The following ZDHHC2 variants were observed in gnomAD, a reference collection of about 807,000 sequenced individuals.
ZDHHC2 encodes the protein palmitoyltransferase ZDHHC2.
ZDHHC2 carries 51 observed loss-of-function variants against 55.6 expected under a neutral mutation model. That is an observed-to-expected ratio of 0.92 (90% CI 0.73 to 1.16). The LOEUF is 1.16. ZDHHC2 is among the 50% of genes most tolerant of loss of function. ZDHHC2 has a pLI of 0.00. For missense variants in ZDHHC2, 491 were observed against 442.4 expected (o/e 1.11, Z -0.99); for synonymous variants, 199 against 152.9 (o/e 1.30, Z -2.22).
intron 8 of ZDHHC2, 44 bp downstream of exon 8, chr8:17,208,136 T>G: frequency 6.7e-7 from 1 of 1,483,680 alleles, no homozygotes; most frequent in Non-Finnish European, 9.0e-7. Context: ...TAAATACGTA[T>G]ACCAACATTC....
intron 1 of ZDHHC2, among the ~76,000 whole-genome samples, chr8:17,177,752 TTGTGTG>T (rs10570051): frequency 1.3e-5 from 2 of 148,714 alleles, no homozygotes; most frequent in Admixed American, 6.7e-5. Context: ...TTTGGGGTGT[TTGTGTG>T]TGTGTGTGTG....
intron 2 of ZDHHC2, 103 bp downstream of exon 2, chr8:17,184,918 T>A: frequency 9.6e-7 from 1 of 1,041,850 alleles, no homozygotes; most frequent in Non-Finnish European, 1.4e-6. Context: ...TTTGAGAATG[T>A]GGAGACAAGC....
chr8:17,199,497 T>A lies in ZDHHC2; in HGVS notation c.476+1084T>A, dbSNP rs200498248. On this transcript the variant is annotated intron_variant, in intron 6 of 12. Transcript: ENST00000262096. ...CTTCTTCTTCTTCTTCTTCTTCTTC[T>A]TCTTCTTCTTCTTCTTCGTCTTCGT... 7.0e-4 allele frequency among the ~76,000 whole-genome samples: 37 copies of A among 52,682 alleles called. 1 individual carries two copies. The highest frequency in any genetic ancestry group is 0.021 in the Middle Eastern group (2 of 94). The allele number at this position is 52,682 out of a possible 152,430, so 34.6% of individuals were successfully genotyped here.
intron 1 of ZDHHC2, among the ~76,000 whole-genome samples, chr8:17,161,158 C>G (rs932489259): frequency 2.0e-5 from 3 of 152,202 alleles, no homozygotes; most frequent in Non-Finnish European, 4.4e-5. Context: ...GAAGTTATGA[C>G]CTACCATTCA....
intron 3 of ZDHHC2, among the ~76,000 whole-genome samples, chr8:17,187,652 C>G (rs1480233426): frequency 6.6e-6 from 1 of 151,828 alleles, no homozygotes; most frequent in Non-Finnish European, 1.5e-5. Context: ...ACCATATTTG[C>G]TTCTTTTCCA....
At chr8:17,171,661 G>A (rs1030030673) in intron 1 of ZDHHC2, among the ~76,000 whole-genome samples, 1 of 151,912 alleles carries the variant, frequency 6.6e-6, no homozygotes, top group African/African-American at 2.4e-5. Context: ...GCTATTTAGA[G>A]CAATGATTTG....
chr8:17,175,593 C>T (rs1009904163), intron 1 of ZDHHC2, among the ~76,000 whole-genome samples: 2 of 152,144 alleles, frequency 1.3e-5, no homozygotes, highest in Admixed American at 6.5e-5. Context: ...CTTAATAATG[C>T]GCCAAATTCT....
At position 17,199,590 on chromosome 8, in the gene ZDHHC2, T is replaced by TCA. The variant is rs1563161585; in HGVS notation, c.476+1177_476+1178insCA. Among the ~76,000 whole-genome samples, 10 of 40,952 alleles carry TCA rather than the reference T, an allele frequency of 2.4e-4. No homozygotes were observed. The South Asian group carries it at 3.9e-3, about 16-fold the overall frequency. The allele number at this position is 40,952 out of a possible 152,430, so 26.9% of individuals were successfully genotyped here. ...TTCGTCTTTGTCTTCTTCTTCTTCT[T>TCA]TCTTCTTCTTTATTCTTTCTTCTTC... On this transcript the variant is annotated intron_variant, in intron 6 of 12. Coordinates refer to ENST00000262096, the MANE Select transcript of ZDHHC2 (RefSeq NM_016353.5).
chr8:17,172,753 T>G (rs548650570), intron 1 of ZDHHC2, among the ~76,000 whole-genome samples: 2 of 152,278 alleles, frequency 1.3e-5, no homozygotes, highest in South Asian at 4.1e-4. Context: ...TGTGCCTGTG[T>G]AGTACAAATT....
chr8:17,199,487 C>CCT (rs1458611192), intron 6 of ZDHHC2, among the ~76,000 whole-genome samples: 1 of 39,096 alleles, frequency 2.6e-5, no homozygotes, highest in African/African-American at 6.4e-5. Flanking sequence ...TCTTCTTCTT[C>CCT]TTCTTCTTCT....
intron 1 of ZDHHC2, among the ~76,000 whole-genome samples, chr8:17,159,096 A>G (rs1656988010): frequency 6.6e-6 from 1 of 152,214 alleles, no homozygotes; most frequent in African/African-American, 2.4e-5. Context: ...TGGGAAGTTG[A>G]AATTTCCTTA....
Position 17,221,054 on chromosome 8 carries a change from G to C in ZDHHC2, c.*833G>C, listed in dbSNP as rs185182953. On this transcript the variant is annotated 3_prime_UTR_variant, in exon 13 of 13. Coordinates refer to ENST00000262096, the MANE Select transcript of ZDHHC2 (RefSeq NM_016353.5). ...TTGGCTTTCTAAAAATCTCTTTTTAGATTATTTCTCCTGTTGAACATAGTA... is the reference window on the plus strand; with the variant it reads ...TTGGCTTTCTAAAAATCTCTTTTTACATTATTTCTCCTGTTGAACATAGTA... The C allele has an allele frequency of 4.1e-3, 624 of 152,396 alleles. 8 individuals carry two copies. The highest frequency in any genetic ancestry group is 1.5e-3 in the Non-Finnish European group (104 of 67,988). 9.4% of individuals were successfully genotyped at this position (152,396 alleles called of 1,614,324 possible).
intron 3 of ZDHHC2, among the ~76,000 whole-genome samples, chr8:17,192,498 A>G (rs899321228): frequency 6.6e-6 from 1 of 152,116 alleles, no homozygotes; most frequent in African/African-American, 2.4e-5. Context: ...GAGTTGTTCG[A>G]GCTCCTTATA....
rs916995380 is a variant in ZDHHC2 at position 17,220,936 on chromosome 8, C to T, written c.*715C>T. The T allele has an allele frequency of 6.6e-6, 1 of 152,144 alleles. No individual in the cohort carries two copies. The highest frequency in any genetic ancestry group is 2.4e-5 in the African/African-American group (1 of 41,432). 9.4% of individuals were successfully genotyped at this position (152,144 alleles called of 1,614,324 possible). On this transcript the variant is annotated 3_prime_UTR_variant, in exon 13 of 13. Coordinates refer to ENST00000262096, the MANE Select transcript of ZDHHC2 (RefSeq NM_016353.5). Reference sequence around the variant, plus strand: ...GTCAGAATACGGTACATTTCTATTACATCAGAAATATATTTTCATCTCTTC... The same window carrying T: ...GTCAGAATACGGTACATTTCTATTATATCAGAAATATATTTTCATCTCTTC...
chr8:17,159,690 T>C (rs1246325900), intron 1 of ZDHHC2, among the ~76,000 whole-genome samples: 1 of 152,222 alleles, frequency 6.6e-6, no homozygotes, highest in East Asian at 1.9e-4. Flanking sequence ...ATATATGGGA[T>C]GTACATATAT....
chr8:17,190,119 G>C (rs186643259), intron 3 of ZDHHC2, among the ~76,000 whole-genome samples: 4 of 152,056 alleles, frequency 2.6e-5, no homozygotes, highest in African/African-American at 9.6e-5. Flanking sequence ...ATTTTTTAAA[G>C]TTTTGTATAT....
rs142781399 is a variant in ZDHHC2 at position 17,204,638 on chromosome 8, A to G, written c.477-1017A>G. On this transcript the variant is annotated intron_variant, in intron 6 of 12. Coordinates refer to ENST00000262096, the MANE Select transcript of ZDHHC2 (RefSeq NM_016353.5). Reference sequence around the variant, plus strand: ...ACACATGGACACAGAGGAGGGAACAACACACACTGGGGCCTTTTGGAGGGA... The same window carrying G: ...ACACATGGACACAGAGGAGGGAACAGCACACACTGGGGCCTTTTGGAGGGA... 5.3e-3 allele frequency among the ~76,000 whole-genome samples: 812 copies of G among 152,218 alleles called. 5 individuals carry two copies. Among genetic ancestry groups the G allele is most frequent in the African/African-American group, 0.018 (765 of 41,532 alleles).
intron 1 of ZDHHC2, among the ~76,000 whole-genome samples, chr8:17,169,688 G>A (rs1804762148): frequency 6.6e-6 from 1 of 152,114 alleles, no homozygotes; most frequent in African/African-American, 2.4e-5. Flanking sequence ...TTTCTGTTTT[G>A]CCCAAAGATC....
At chr8:17,161,585 C>CGGTG in intron 1 of ZDHHC2, among the ~76,000 whole-genome samples, 1 of 152,294 alleles carries the variant, frequency 6.6e-6, no homozygotes, top group South Asian at 2.1e-4. Flanking sequence ...TTGGCCAGCA[C>CGGTG]GGTGGCTCAC....
Sources: gnomAD v4.1 joint callset for allele counts (sites outside exome capture counted in the v4.1 genomes callset) on GRCh38, gnomAD v4.1.1 for gene constraint, MANE v1.5 for transcripts, NCBI Gene and HGNC (gene_info 2026-07-23, HGNC 2026-07-21) for gene names.